CD44: variants seen among roughly 807,000 people sequenced by gnomAD.
The protein encoded by CD44 is CD44 antigen.
In CD44, 49 loss-of-function variants were observed where a neutral mutation model predicts 88.8. That is an observed-to-expected ratio of 0.55 (90% CI 0.44 to 0.70). CD44 has a LOEUF of 0.70. CD44 is among the 30% of genes least tolerant of loss of function. The probability of loss-of-function intolerance (pLI) is 0.00; values close to 1 mark genes in which losing one functional copy is unlikely to be tolerated. For synonymous variants in CD44, 325 were observed against 312.3 expected, an observed-to-expected ratio of 1.04 and a Z score of -0.43; for missense variants, 883 against 913.8, an observed-to-expected ratio of 0.97 and a Z score of 0.43.
At chr11:35,176,900 C>G in intron 2 of CD44, 160 bp downstream of exon 2, 1 of 644,198 alleles carries the variant, frequency 1.6e-6, no homozygotes, top group East Asian at 2.9e-5. Context: ...ACCTGTATGA[C>G]AACTGGAGTT....
At position 35,215,732 on chromosome 11, in the gene CD44, C is replaced by T. The variant is rs1046451018; in HGVS notation, c.1873+818C>T. On this transcript the variant is annotated intron_variant, in intron 15 of 17. Coordinates refer to ENST00000428726, the MANE Select transcript of CD44 (RefSeq NM_000610.4). Reference sequence around the variant, plus strand: ...ACTAAAAATACAAAAATTAGCCGGGCGTGGTCCTGCGCACCTGTAATCCCA... The same window carrying T: ...ACTAAAAATACAAAAATTAGCCGGGTGTGGTCCTGCGCACCTGTAATCCCA... 4.6e-5 allele frequency among the ~76,000 whole-genome samples: 7 copies of T among 151,832 alleles called. No homozygotes were observed. In the South Asian group the frequency reaches 8.4e-4, roughly 18 times the overall value.
intron 11 of CD44, among the ~76,000 whole-genome samples, chr11:35,207,592 T>C (rs182512732): frequency 1.0e-3 from 156 of 152,326 alleles, no homozygotes; most frequent in African/African-American, 3.7e-3. Context: ...CCTGTATACT[T>C]TCTGTAACTC....
chr11:35,214,738 C>G (rs1948681536), intron 14 of CD44, 114 bp from the exon 15 acceptor site: 1 of 509,116 alleles, frequency 2.0e-6, no homozygotes, highest in African/African-American at 2.0e-5. Flanking sequence ...TTTTGGAATA[C>G]CTTAAAAAGA....
intron 1 of CD44, among the ~76,000 whole-genome samples, chr11:35,152,140 G>A (rs189744326): frequency 6.6e-6 from 1 of 152,350 alleles, no homozygotes; most frequent in Admixed American, 6.5e-5. Context: ...GCCACTGGAA[G>A]CTCTTCTGTG....
rs570263348 is a variant in CD44 at position 35,189,479 on chromosome 11, C to T, written c.437-356C>T. On this transcript the variant is annotated intron_variant, in intron 4 of 17. Transcript: ENST00000428726. ...GGGAGAATGATTATTTATTGAGCAT[C>T]CACTGTATTTTGAATACTGTGCTGA... Among the ~76,000 whole-genome samples, 21 of 152,284 alleles carry T rather than the reference C, an allele frequency of 1.4e-4. No homozygotes were observed. In the South Asian group the frequency reaches 4.1e-3, roughly 30 times the overall value.
At chr11:35,226,882 T>C (rs1949727946) in intron 17 of CD44, among the ~76,000 whole-genome samples, 1 of 86,618 alleles carries the variant, frequency 1.2e-5, no homozygotes, top group Non-Finnish European at 2.4e-5. Flanking sequence ...CTTTTTTCCT[T>C]TTTTTTTTTT....
At chr11:35,176,439 A>G (rs1944477013) in intron 1 of CD44, 136 bp from the exon 2 acceptor site, 2 of 668,970 alleles carry the variant, frequency 3.0e-6, no homozygotes. Flanking sequence ...CGGCCTCCCA[A>G]AGTGCTGGGA....
intron 4 of CD44, among the ~76,000 whole-genome samples, chr11:35,187,848 T>C (rs960229580): frequency 6.6e-6 from 1 of 152,224 alleles, no homozygotes; most frequent in African/African-American, 2.4e-5. Flanking sequence ...TGATATATGA[T>C]TATCCACAGA....
At chr11:35,207,738 G>C (rs1948011510) in intron 11 of CD44, among the ~76,000 whole-genome samples, 1 of 152,188 alleles carries the variant, frequency 6.6e-6, no homozygotes, top group Non-Finnish European at 1.5e-5. Context: ...AATGGTGCCT[G>C]AGCCAGCACA....
rs192444775 is a variant in CD44, at chr11:35,223,752, G to C, written c.2024+2020G>C. Among the ~76,000 whole-genome samples, 46 of 152,260 alleles carry C rather than the reference G, an allele frequency of 3.0e-4. 1 individual carries two copies. Among genetic ancestry groups the C allele is most frequent in the Middle Eastern group, 3.4e-3 (1 of 294 alleles). ...GCTAAAAGGTGGTGAACAGCTGTAC[G>C]GGCCCCTTAATGGGCTCTGTGATTC... On this transcript the variant is annotated intron_variant, in intron 17 of 17. Coordinates refer to ENST00000428726, the MANE Select transcript of CD44 (RefSeq NM_000610.4).
At chr11:35,151,292 C>T (rs1191524064) in intron 1 of CD44, among the ~76,000 whole-genome samples, 1 of 152,082 alleles carries the variant, frequency 6.6e-6, no homozygotes, top group East Asian at 1.9e-4. Flanking sequence ...AATCAAGTAA[C>T]AGTGGCACTG....
intron 1 of CD44, among the ~76,000 whole-genome samples, chr11:35,156,204 A>T (rs1488434380): frequency 1.3e-5 from 2 of 152,292 alleles, no homozygotes; most frequent in African/African-American, 2.4e-5. Flanking sequence ...AGGGTCTAGC[A>T]TCTCAACTTT....
At chr11:35,162,345 G>A (rs1942734260) in intron 1 of CD44, among the ~76,000 whole-genome samples, 1 of 152,178 alleles carries the variant, frequency 6.6e-6, no homozygotes, top group Non-Finnish European at 1.5e-5. Flanking sequence ...TCATGTATGA[G>A]GGTCATTTAT....
intron 1 of CD44, among the ~76,000 whole-genome samples, chr11:35,146,373 C>G (rs766453722): frequency 7.2e-5 from 11 of 152,204 alleles, no homozygotes; most frequent in Non-Finnish European, 1.2e-4. Context: ...AAGTCTCCTT[C>G]GCAGTGCCTG....
chr11:35,141,018 T>TAA (rs113414805), intron 1 of CD44, among the ~76,000 whole-genome samples: 2 of 144,236 alleles, frequency 1.4e-5, no homozygotes, highest in African/African-American at 5.1e-5. Context: ...GTGACTCTGT[T>TAA]AAAAAAAAAA....
chr11:35,160,956 C>G (rs1272846492), intron 1 of CD44, among the ~76,000 whole-genome samples: 2 of 152,140 alleles, frequency 1.3e-5, no homozygotes, highest in African/African-American at 4.8e-5. Context: ...TCCTCTCTAT[C>G]AAGAGAGAAC....
chr11:35,167,390 A>G (rs917650833), intron 1 of CD44, among the ~76,000 whole-genome samples: 1 of 152,148 alleles, frequency 6.6e-6, no homozygotes, highest in Non-Finnish European at 1.5e-5. Flanking sequence ...GAAGCTTCCC[A>G]TTGTGCCTCC....
rs962661146 is a variant in CD44, at chr11:35,232,380, A to G, written c.*3047A>G. The stretch of plus-strand genomic sequence containing the variant: ...TATTGGAAAATATTAAAAGGCTAAC[A>G]TTAAAAGACTAAAGGAAACAGACTC... On this transcript the variant is annotated 3_prime_UTR_variant, in exon 18 of 18. Transcript: ENST00000428726. 12 of 152,578 alleles carry G rather than the reference A, an allele frequency of 7.9e-5. No individual in the cohort carries two copies. The highest frequency in any genetic ancestry group is 2.7e-4 in the African/African-American group (11 of 41,450). 9.5% of individuals were successfully genotyped at this position (152,578 alleles called of 1,614,324 possible).
At chr11:35,148,607 A>G (rs1859679529) in intron 1 of CD44, among the ~76,000 whole-genome samples, 1 of 152,234 alleles carries the variant, frequency 6.6e-6, no homozygotes, top group Non-Finnish European at 1.5e-5. Flanking sequence ...TTAAAAAGAG[A>G]AAGTTTAAAG....
Sources: allele counts gnomAD v4.1 joint callset (sites outside exome capture counted in the v4.1 genomes callset), GRCh38; gene constraint gnomAD v4.1.1; transcripts MANE v1.5; gene names NCBI Gene and HGNC (gene_info 2026-07-23, HGNC 2026-07-21).